Variants in EYS observed in about 807,000 individuals in gnomAD.
EYS encodes the protein EGF-like photoreceptor maintenance factor, also known as protein eyes shut homolog.
Under a neutral mutation model 282.1 loss-of-function variants are expected in EYS, and 250 were observed. That is an observed-to-expected ratio of 0.89 (90% CI 0.80 to 0.98). EYS has a LOEUF of 0.98. Ranked by LOEUF, EYS falls within the 50% of genes least tolerant of loss-of-function variation. The pLI, the probability that EYS is intolerant of heterozygous loss-of-function variation, is 0.00. For missense variants in EYS, 4,016 were observed against 3,709.0 expected, an observed-to-expected ratio of 1.08 and a Z score of -2.15; for synonymous variants, 1,355 against 1,282.9, an observed-to-expected ratio of 1.06 and a Z score of -1.20.
At position 64,864,382 on chromosome 6, in the gene EYS, C is replaced by CTTTTTTTTTTTTTTTTTTT. The variant is rs1562231995; in HGVS notation, c.2992+22314_2992+22315insAAAAAAAAAAAAAAAAAAA. 4.0e-4 allele frequency among the ~76,000 whole-genome samples: 16 copies of CTTTTTTTTTTTTTTTTTTT among 40,098 alleles called. 1 individual carries two copies. The highest frequency in any genetic ancestry group is 1.2e-3 in the African/African-American group (16 of 13,612). 26.3% of individuals were successfully genotyped at this position (40,098 alleles called of 152,430 possible). A position where few individuals can be genotyped will look rare whatever the true frequency, so the allele number is the denominator to read the frequency against. On this transcript the variant is annotated intron_variant, in intron 19 of 42. Coordinates refer to ENST00000503581, the MANE Select transcript of EYS (RefSeq NM_001142800.2). Reference sequence around the variant, plus strand: ...TTTGAGAAATACAGAGGTGCTATACCTTCTTTTTTTTTTTTTTTTTTTTTG... The same window carrying CTTTTTTTTTTTTTTTTTTT: ...TTTGAGAAATACAGAGGTGCTATACCTTTTTTTTTTTTTTTTTTTTTCTTTTTTTTTTTTTTTTTTTTTG...
intron 7 of EYS, among the ~76,000 whole-genome samples, chr6:65,384,992 T>C (rs1023347654): frequency 4.3e-4 from 66 of 151,848 alleles, no homozygotes; most frequent in African/African-American, 1.5e-3. Flanking sequence ...ATTTTTAAAA[T>C]TGTTTTTCAA....
chr6:64,723,499 C>T (rs541068006), intron 22 of EYS, among the ~76,000 whole-genome samples: 57 of 152,236 alleles, frequency 3.7e-4, no homozygotes, highest in African/African-American at 1.3e-3. Context: ...ATGCATAAAT[C>T]ACAAGGCAAT....
At chr6:64,402,429 C>G (rs1345578348) in intron 28 of EYS, among the ~76,000 whole-genome samples, 1 of 152,066 alleles carries the variant, frequency 6.6e-6, no homozygotes, top group Non-Finnish European at 1.5e-5. Context: ...AAACTGTGTT[C>G]CTAGAAATGT....
chr6:65,175,852 T>TCTACA (rs1458979037), intron 12 of EYS, among the ~76,000 whole-genome samples: 1 of 151,508 alleles, frequency 6.6e-6, no homozygotes, highest in Non-Finnish European at 1.5e-5. Context: ...ACTTACTAAT[T>TCTACA]TACACACAAG....
At chr6:65,609,908 A>G (rs1461694898) in intron 2 of EYS, among the ~76,000 whole-genome samples, 4 of 152,082 alleles carry the variant, frequency 2.6e-5, no homozygotes, top group Admixed American at 6.6e-5. Flanking sequence ...CTTTTGAGAT[A>G]TAGTTCACAC....
At chr6:64,415,014 T>C (rs1774018898) in intron 28 of EYS, among the ~76,000 whole-genome samples, 1 of 152,162 alleles carries the variant, frequency 6.6e-6, no homozygotes, top group Non-Finnish European at 1.5e-5. Flanking sequence ...AATTTTCTAA[T>C]AAAATTACAG....
At chr6:63,767,122 A>C (rs1248127669) in intron 40 of EYS, among the ~76,000 whole-genome samples, 1 of 152,072 alleles carries the variant, frequency 6.6e-6, no homozygotes, top group African/African-American at 2.4e-5. Context: ...ACAGCCCAAC[A>C]TCATCCTGAA....
intron 22 of EYS, among the ~76,000 whole-genome samples, chr6:64,760,743 C>T (rs1207190833): frequency 1.3e-5 from 2 of 152,134 alleles, no homozygotes; most frequent in Non-Finnish European, 2.9e-5. Context: ...AGGTCCAGTG[C>T]AAAGTGCATT....
intron 12 of EYS, among the ~76,000 whole-genome samples, chr6:65,086,773 G>C (rs1164231146): frequency 6.6e-6 from 1 of 151,542 alleles, no homozygotes; most frequent in Non-Finnish European, 1.5e-5. Flanking sequence ...CATAAATACA[G>C]ATATATATGT....
intron 2 of EYS, among the ~76,000 whole-genome samples, chr6:65,607,611 C>T (rs1325769983): frequency 6.7e-6 from 1 of 148,254 alleles, no homozygotes; most frequent in African/African-American, 2.5e-5. Context: ...TCAAACTCAT[C>T]TTAAATTTAT....
rs146113007 is a variant in EYS, at chr6:64,618,622, G to T, written c.3569-1089C>A. Among the ~76,000 whole-genome samples, 133 of 152,228 alleles carry T rather than the reference G, an allele frequency of 8.7e-4. No homozygotes were observed. In the East Asian group the frequency reaches 0.016, roughly 19 times the overall value. On this transcript the variant is annotated intron_variant, in intron 23 of 42. Coordinates refer to ENST00000503581, the MANE Select transcript of EYS (RefSeq NM_001142800.2). ...TTAAATACATATTTTGAGGTACTTA[G>T]AAATGATTTATTGAAACACTTCATT...
At chr6:65,033,122 G>A (rs1232992031) in intron 13 of EYS, among the ~76,000 whole-genome samples, 1 of 152,184 alleles carries the variant, frequency 6.6e-6, no homozygotes, top group African/African-American at 2.4e-5. Flanking sequence ...TTTCTAAGCA[G>A]CCAAGTGTTC....
intron 31 of EYS, among the ~76,000 whole-genome samples, chr6:64,215,688 T>G (rs367637637): frequency 1.8e-3 from 273 of 149,634 alleles, no homozygotes; most frequent in African/African-American, 6.4e-3. Context: ...AAATGTTTAA[T>G]TTTTTTTCTA....
Position 64,530,950 on chromosome 6 carries a change from T to C in EYS, c.5644+59273A>G, listed in dbSNP as rs571017965. Among the ~76,000 whole-genome samples, 5 of 152,296 alleles carry C rather than the reference T, an allele frequency of 3.3e-5. No homozygotes were observed. The South Asian group carries it at 1.0e-3, about 32-fold the overall frequency. ...TCATTTTCTGAACAATCTCCGCCAC[T>C]TTCGGGTTCTTCTGACACCCCACCT... On this transcript the variant is annotated intron_variant, in intron 26 of 42. Transcript: ENST00000503581.
At chr6:64,833,130 T>C (rs1348353957) in intron 19 of EYS, among the ~76,000 whole-genome samples, 5 of 151,898 alleles carry the variant, frequency 3.3e-5, no homozygotes, top group African/African-American at 1.2e-4. Context: ...ATACCTTATT[T>C]CTTGTACTTC....
Position 65,262,942 on chromosome 6 carries a change from C to A in EYS, c.2023+32921G>T, listed in dbSNP as rs1767656363. 2.0e-5 allele frequency among the ~76,000 whole-genome samples: 3 copies of A among 152,080 alleles called. No homozygotes were observed. The South Asian group carries it at 6.2e-4, about 32-fold the overall frequency. ...TCATTGATATTATATTTTTCCAAGT[C>A]CATTGTATAACTCGGGTCTGTTATG... On this transcript the variant is annotated intron_variant, in intron 12 of 42. Transcript: ENST00000503581.
rs988194794 is a variant in EYS, at chr6:64,854,129, G to A, written c.2993-31307C>T. ...GTGCTGGAGAGGATGTGGAGAAATA[G>A]GAACACTTTTACACTGTTGCTGGGA... On this transcript the variant is annotated intron_variant, in intron 19 of 42. Coordinates refer to ENST00000503581, the MANE Select transcript of EYS (RefSeq NM_001142800.2). Among the ~76,000 whole-genome samples, 17 of 152,138 alleles carry A rather than the reference G, an allele frequency of 1.1e-4. No individual in the cohort carries two copies. In the South Asian group the frequency reaches 2.7e-3, roughly 24 times the overall value.
intron 12 of EYS, among the ~76,000 whole-genome samples, chr6:65,060,291 T>C (rs920841321): frequency 2.6e-5 from 4 of 151,866 alleles, no homozygotes; most frequent in African/African-American, 9.7e-5. Context: ...TTGCATCATA[T>C]TTTATCCTCA....
chr6:64,186,352 A>G (rs1260216229), intron 31 of EYS, among the ~76,000 whole-genome samples: 1 of 152,146 alleles, frequency 6.6e-6, no homozygotes. Context: ...AATGCAATAT[A>G]CAATAACTGG....
Sources: allele counts gnomAD v4.1 joint callset (sites outside exome capture counted in the v4.1 genomes callset), GRCh38; gene constraint gnomAD v4.1.1; transcripts MANE v1.5; gene names NCBI Gene and HGNC (gene_info 2026-07-23, HGNC 2026-07-21).